HSD17B12: variants seen among roughly 807,000 people sequenced by gnomAD.
HSD17B12 encodes the protein very-long-chain 3-oxoacyl-CoA reductase.
Under a neutral mutation model 39.3 loss-of-function variants are expected in HSD17B12, and 32 were observed. The observed-to-expected ratio is 0.81, with a 90% CI of 0.61 to 1.09. HSD17B12 has a LOEUF of 1.09. HSD17B12 is among the 50% of genes least tolerant of loss of function. The pLI is 0.00. For missense variants in HSD17B12, 342 were observed against 382.9 expected (o/e 0.89, Z 0.89); for synonymous variants, 150 against 146.7 (o/e 1.02, Z -0.16).
chr11:43,655,873 G>T, the HSD17B12 span, among the ~76,000 whole-genome samples: 2 of 151,884 alleles, frequency 1.3e-5, no homozygotes, highest in Non-Finnish European at 2.9e-5. Flanking sequence ...TCTCTTTTTT[G>T]GTTGTGTCTC....
At chr11:43,778,185 C>T (rs991332227) in intron 3 of HSD17B12, among the ~76,000 whole-genome samples, 8 of 152,190 alleles carry the variant, frequency 5.3e-5, no homozygotes, top group Non-Finnish European at 8.8e-5. Context: ...TACAAACTAT[C>T]ATCAGAGAAT....
the HSD17B12 span, among the ~76,000 whole-genome samples, chr11:43,654,924 T>G: frequency 4.6e-5 from 7 of 152,200 alleles, no homozygotes; most frequent in African/African-American, 1.7e-4. Flanking sequence ...TAAAGTAGTT[T>G]TTTCCAATTC....
Position 43,816,467 on chromosome 11 carries a change from T to C in HSD17B12, c.501+76T>C. On this transcript the variant is annotated intron_variant, in intron 6 of 10. Transcript: ENST00000278353. Reference sequence around the variant, plus strand: ...AAAAACACTGACATAATCAGCTTGTTCACCTGAGTCTACTCTTGTTTAGAT... The same window carrying C: ...AAAAACACTGACATAATCAGCTTGTCCACCTGAGTCTACTCTTGTTTAGAT... The C allele has an allele frequency of 1.5e-5, 19 of 1,273,424 alleles. No individual in the cohort carries two copies. In the South Asian group the frequency reaches 3.0e-4, roughly 20 times the overall value. The allele number at this position is 1,273,424 out of a possible 1,614,324, so 78.9% of individuals were successfully genotyped here.
chr11:43,729,087 C>T (rs1950246283), intron 1 of HSD17B12, among the ~76,000 whole-genome samples: 1 of 152,094 alleles, frequency 6.6e-6, no homozygotes, highest in African/African-American at 2.4e-5. Flanking sequence ...CACATACCAG[C>T]ATCTTAAAGG....
intron 3 of HSD17B12, among the ~76,000 whole-genome samples, chr11:43,769,470 C>T (rs1950629350): frequency 6.6e-6 from 1 of 152,206 alleles, no homozygotes; most frequent in African/African-American, 2.4e-5. Flanking sequence ...ACCCAGTGCA[C>T]AGTAAAGCTG....
chr11:43,617,915 T>C, the HSD17B12 span, among the ~76,000 whole-genome samples: 11 of 152,200 alleles, frequency 7.2e-5, no homozygotes, highest in Non-Finnish European at 1.3e-4. Flanking sequence ...GACTGAGCCA[T>C]GTATTATGAA....
the HSD17B12 span, among the ~76,000 whole-genome samples, chr11:43,604,471 T>A: frequency 2.0e-5 from 3 of 152,238 alleles, no homozygotes; most frequent in Admixed American, 6.5e-5. Flanking sequence ...TGCTTTAGCT[T>A]GTTTTTGTGA....
chr11:43,633,655 A>G, the HSD17B12 span, among the ~76,000 whole-genome samples: 1 of 152,202 alleles, frequency 6.6e-6, no homozygotes, highest in African/African-American at 2.4e-5. Context: ...TTGAGAAAGA[A>G]TGTTTTTAGC....
the HSD17B12 span, among the ~76,000 whole-genome samples, chr11:43,603,517 C>T: frequency 6.6e-6 from 1 of 152,068 alleles, no homozygotes; most frequent in Non-Finnish European, 1.5e-5. Flanking sequence ...AGTAGAAGAA[C>T]TGATGCAGAA....
the HSD17B12 span, among the ~76,000 whole-genome samples, chr11:43,588,406 A>G: frequency 6.6e-6 from 1 of 152,144 alleles, no homozygotes; most frequent in Non-Finnish European, 1.5e-5. Flanking sequence ...TTAAGCAAGA[A>G]AGCAGCAAGT....
At chr11:43,771,252 G>A (rs1176321487) in intron 3 of HSD17B12, among the ~76,000 whole-genome samples, 36 of 152,088 alleles carry the variant, frequency 2.4e-4, no homozygotes, top group Admixed American at 2.4e-3. Context: ...ATTTTTACAT[G>A]TAGCTATAAT....
Position 43,722,342 on chromosome 11 carries a change from T to C in HSD17B12, c.161-28569T>C, listed in dbSNP as rs574326621. ...AGACTTTGCCATTACTTGGATGGCA[T>C]ACCAGCTGCAATGGAGGAAGTATAC... On this transcript the variant is annotated intron_variant, in intron 1 of 10. Transcript: ENST00000278353. 1.2e-4 allele frequency among the ~76,000 whole-genome samples: 19 copies of C among 152,352 alleles called. No individual in the cohort carries two copies. The South Asian group carries it at 3.7e-3, about 30-fold the overall frequency.
the HSD17B12 span, among the ~76,000 whole-genome samples, chr11:43,597,370 G>A: frequency 6.6e-6 from 1 of 152,198 alleles, no homozygotes; most frequent in African/African-American, 2.4e-5. Flanking sequence ...TGGAACATTG[G>A]ATAAATGGGA....
In HSD17B12 at chr11:43,702,660, G is replaced by A. The variant is rs890993647; in HGVS notation, c.160+21673G>A. ...TATGTTGAACCATCCTTGCATCCTA[G>A]GGATAAATCCCACTTGGTCACGGTG... On this transcript the variant is annotated intron_variant, in intron 1 of 10. Coordinates refer to ENST00000278353, the MANE Select transcript of HSD17B12 (RefSeq NM_016142.3). Among the ~76,000 whole-genome samples the A allele has an allele frequency of 5.3e-5, 8 of 152,032 alleles. No individual in the cohort carries two copies. In the East Asian group the frequency reaches 1.5e-3, roughly 29 times the overall value.
the HSD17B12 span, among the ~76,000 whole-genome samples, chr11:43,613,148 A>G: frequency 6.6e-6 from 1 of 152,214 alleles, no homozygotes; most frequent in African/African-American, 2.4e-5. Flanking sequence ...TCACACCTGT[A>G]ATCCCAACAC....
At chr11:43,653,007 C>T in the HSD17B12 span, among the ~76,000 whole-genome samples, 3 of 151,854 alleles carry the variant, frequency 2.0e-5, no homozygotes, top group Admixed American at 2.0e-4. Context: ...GGGTATGGGG[C>T]AGTACCCTTC....
chr11:43,727,755 T>C (rs977170231), intron 1 of HSD17B12, among the ~76,000 whole-genome samples: 5 of 152,232 alleles, frequency 3.3e-5, no homozygotes, highest in Admixed American at 6.5e-5. Flanking sequence ...ATTCACCCTC[T>C]TTCTACCCTT....
At chr11:43,779,610 G>T (rs1950744928) in intron 3 of HSD17B12, among the ~76,000 whole-genome samples, 2 of 152,186 alleles carry the variant, frequency 1.3e-5, no homozygotes, top group African/African-American at 4.8e-5. Context: ...ATCTGTGATT[G>T]AAGACTCTGT....
rs574299318 is a variant in HSD17B12 at position 43,763,629 on chromosome 11, T to C, written c.283+9508T>C. Among the ~76,000 whole-genome samples, 9 of 145,828 alleles carry C rather than the reference T, an allele frequency of 6.2e-5. No homozygotes were observed. In the South Asian group the frequency reaches 1.9e-3, roughly 32 times the overall value. On this transcript the variant is annotated intron_variant, in intron 3 of 10. Transcript: ENST00000278353. ...GGTTATCTTATATATATATATATCT[T>C]ATCTACATATAAGATATATATATAG...
Sources: allele counts gnomAD v4.1 joint callset (sites outside exome capture counted in the v4.1 genomes callset), GRCh38; gene constraint gnomAD v4.1.1; transcripts MANE v1.5; gene names NCBI Gene and HGNC (gene_info 2026-07-23, HGNC 2026-07-21).